Variants in KAZN observed in about 807,000 individuals in gnomAD.
The protein encoded by KAZN is kazrin, periplakin interacting protein.
A neutral mutation model predicts 87.4 loss-of-function variants in KAZN; 40 were observed. The observed-to-expected ratio is 0.46, with a 90% CI of 0.36 to 0.60. The LOEUF (loss-of-function observed/expected upper bound fraction) is 0.60. KAZN is among the 20% of genes least tolerant of loss of function. The pLI is 0.00. For missense variants in KAZN, 898 were observed against 1,073.9 expected (o/e 0.84, Z 2.29); for synonymous variants, 466 against 458.3 (o/e 1.02, Z -0.22).
chr1:13,972,637 C>A (rs757251199), intron 1 of KAZN, among the ~76,000 whole-genome samples: 2 of 152,122 alleles, frequency 1.3e-5, no homozygotes, highest in Non-Finnish European at 2.9e-5. Context: ...TGGAGATAGG[C>A]GAGGACCAAC....
intron 2 of KAZN, among the ~76,000 whole-genome samples, chr1:14,334,556 C>G (rs1657093422): frequency 6.6e-6 from 1 of 151,622 alleles, no homozygotes; most frequent in African/African-American, 2.4e-5. Context: ...AAATCAGTGG[C>G]CAGTTCATGG....
chr1:14,056,972 A>G (rs1642588066), intron 1 of KAZN, among the ~76,000 whole-genome samples: 1 of 149,750 alleles, frequency 6.7e-6, no homozygotes, highest in African/African-American at 2.5e-5. Context: ...TGAGCCCAGG[A>G]GGCAGAGGTT....
chr1:14,189,768 G>A (rs1475426997), intron 2 of KAZN, among the ~76,000 whole-genome samples: 2 of 152,140 alleles, frequency 1.3e-5, no homozygotes, highest in Admixed American at 6.6e-5. Flanking sequence ...GAGTGAGTGT[G>A]AGAAGTTATC....
chr1:14,040,862 A>G (rs564976422), intron 1 of KAZN, among the ~76,000 whole-genome samples: 12 of 152,076 alleles, frequency 7.9e-5, no homozygotes, highest in African/African-American at 2.6e-4. Context: ...TGGAAAACCA[A>G]TATTTTCCTG....
intron 1 of KAZN, among the ~76,000 whole-genome samples, chr1:14,068,649 T>C (rs990657212): frequency 3.3e-5 from 5 of 152,234 alleles, no homozygotes; most frequent in Non-Finnish European, 5.9e-5. Context: ...GAGAGAAATT[T>C]GGGCCCTTCA....
At chr1:14,992,628 G>T (rs1277600082) in intron 2 of KAZN, among the ~76,000 whole-genome samples, 1 of 152,124 alleles carries the variant, frequency 6.6e-6, no homozygotes, top group Non-Finnish European at 1.5e-5. Context: ...ACCTATCTGG[G>T]AGCCTTTATT....
intron 2 of KAZN, among the ~76,000 whole-genome samples, chr1:14,397,211 C>G (rs995682243): frequency 6.6e-6 from 1 of 152,118 alleles, no homozygotes; most frequent in Non-Finnish European, 1.5e-5. Flanking sequence ...TCATCTCAGG[C>G]TGCCAGAACA....
At chr1:14,709,700 G>A (rs879053507) in intron 1 of KAZN, among the ~76,000 whole-genome samples, 2 of 152,168 alleles carry the variant, frequency 1.3e-5, no homozygotes, top group Admixed American at 1.3e-4. Flanking sequence ...TGAAGAGTGG[G>A]CGTAGTTGAG....
At chr1:14,091,649 C>G (rs1043770855) in intron 1 of KAZN, among the ~76,000 whole-genome samples, 1 of 152,146 alleles carries the variant, frequency 6.6e-6, no homozygotes, top group Non-Finnish European at 1.5e-5. Flanking sequence ...AAATTCATAG[C>G]TATTTCTTTC....
chr1:14,998,156 G>GA (rs1668089646), intron 2 of KAZN, among the ~76,000 whole-genome samples: 1 of 152,166 alleles, frequency 6.6e-6, no homozygotes, highest in Non-Finnish European at 1.5e-5. Context: ...CGGCGGGGGG[G>GA]AGGGGCAGCG....
At chr1:14,221,476 G>A (rs1270009416) in intron 2 of KAZN, among the ~76,000 whole-genome samples, 1 of 151,954 alleles carries the variant, frequency 6.6e-6, no homozygotes, top group Non-Finnish European at 1.5e-5. Flanking sequence ...TTTCTACATA[G>A]ATAAGTTGCC....
At chr1:14,461,977 A>C (rs986417120) in intron 2 of KAZN, among the ~76,000 whole-genome samples, 10 of 151,884 alleles carry the variant, frequency 6.6e-5, no homozygotes, top group Admixed American at 6.6e-4. Context: ...TCCCCACCCA[A>C]ATTTCATCTT....
chr1:14,498,122 C>G (rs1017330141), intron 2 of KAZN, among the ~76,000 whole-genome samples: 1 of 152,208 alleles, frequency 6.6e-6, no homozygotes, highest in East Asian at 1.9e-4. Flanking sequence ...TCACTGATCC[C>G]TTCTCCAGTT....
chr1:13,963,393 G>T (rs1469226830), intron 1 of KAZN, among the ~76,000 whole-genome samples: 1 of 152,154 alleles, frequency 6.6e-6, no homozygotes. Flanking sequence ...AGAAGTGCTT[G>T]TTGGATCCAA....
At chr1:14,870,861 A>C (rs1241705389) in intron 1 of KAZN, among the ~76,000 whole-genome samples, 1 of 152,234 alleles carries the variant, frequency 6.6e-6, no homozygotes, top group Non-Finnish European at 1.5e-5. Context: ...AGTGTGCAAG[A>C]AATCTCACCA....
At position 14,617,617 on chromosome 1, in the gene KAZN, C is replaced by T. The variant is rs1018701382; in HGVS notation, c.226+18394C>T. ...AAAGTGAGTAAATATACGTGAATCC[C>T]GGTGATAAGTGCATGGGACATACAT... On this transcript the variant is annotated intron_variant, in intron 1 of 14. Transcript: ENST00000376030. Among the ~76,000 whole-genome samples, 59 of 152,106 alleles carry T rather than the reference C, an allele frequency of 3.9e-4. 1 individual carries two copies. Among genetic ancestry groups the T allele is most frequent in the Non-Finnish European group, 1.5e-4 (10 of 68,026 alleles).
chr1:14,440,971 G>A (rs1381542361), intron 2 of KAZN, among the ~76,000 whole-genome samples: 1 of 152,148 alleles, frequency 6.6e-6, no homozygotes, highest in East Asian at 1.9e-4. Context: ...ATCACCCCCA[G>A]TCCCCAGATG....
intron 1 of KAZN, among the ~76,000 whole-genome samples, chr1:14,731,433 A>C (rs74489496): frequency 0.012 from 1,802 of 152,296 alleles, 42 homozygotes; most frequent in South Asian, 0.085. Flanking sequence ...CCCCGGTTCT[A>C]GAAGCCTTGC....
At chr1:14,267,302 A>G (rs1203658087) in intron 2 of KAZN, among the ~76,000 whole-genome samples, 1 of 150,910 alleles carries the variant, frequency 6.6e-6, no homozygotes, top group Non-Finnish European at 1.5e-5. Context: ...CCTGGGCCAC[A>G]CTGGAAGAAG....
Sources: gnomAD v4.1 joint callset for allele counts (sites outside exome capture counted in the v4.1 genomes callset) on GRCh38, gnomAD v4.1.1 for gene constraint, MANE v1.5 for transcripts, NCBI Gene and HGNC (gene_info 2026-07-23, HGNC 2026-07-21) for gene names.